The following ZNF229 variants were observed in gnomAD, a reference collection of about 807,000 sequenced individuals.
ZNF229 encodes zinc finger protein 229.
A neutral mutation model predicts 11.8 loss-of-function variants in ZNF229; 10 were observed. The ratio of observed to expected loss-of-function variants is 0.85; its 90% CI spans 0.52 to 1.44. The LOEUF (loss-of-function observed/expected upper bound fraction) is 1.44. Ranked by LOEUF, ZNF229 falls within the 40% of genes most tolerant of loss-of-function variation. ZNF229 has a pLI of 0.00. For synonymous variants in ZNF229, 368 were observed against 374.8 expected, an observed-to-expected ratio of 0.98 and a Z score of 0.21; for missense variants, 1,045 against 1,015.1, an observed-to-expected ratio of 1.03 and a Z score of -0.40.
rs773971239 is a variant in ZNF229, at chr19:44,428,534, A to G, written c.2247T>C (p.Tyr749=). Residue 749 remains tyrosine (Y), a synonymous_variant, in exon 6 of 6, where the codon TAT becomes TAC. Coordinates refer to ENST00000614049, the MANE Select transcript of ZNF229 (RefSeq NM_014518.4). ...GACCTTGAAGATGTGAGCTCTGACT[A>G]TAGCCCTTCCCACACACGTGGCATC... The part of the protein sequence containing the change: ...PYRCHVCGKG[Y]SQSSHLQGHQ... The G allele has an allele frequency of 2.4e-5, 38 of 1,611,532 alleles. No homozygotes were observed. The highest frequency in any genetic ancestry group is 2.9e-5 in the Non-Finnish European group (34 of 1,179,478).
Position 44,427,162 on chromosome 19 carries a change from T to A in ZNF229, c.*1141A>T, listed in dbSNP as rs1432730049. On this transcript the variant is annotated 3_prime_UTR_variant, in exon 6 of 6. Transcript: ENST00000614049. The stretch of plus-strand genomic sequence containing the variant: ...CAATCATCTCCCACCAAGGCCCTCC[T>A]CTGACACGTGGGGATTAAAATTGAG... 1.3e-5 allele frequency: 2 copies of A among 151,524 alleles called. No individual in the cohort carries two copies. The highest frequency in any genetic ancestry group is 3.9e-4 in the East Asian group (2 of 5,160). The allele number at this position is 151,524 out of a possible 1,614,324, so 9.4% of individuals were successfully genotyped here.
Position 44,428,677 on chromosome 19 carries a change from G to A in ZNF229, c.2104C>T (p.His702Tyr), listed in dbSNP as rs1971632642. 1 of 1,613,982 alleles carries A rather than the reference G, an allele frequency of 6.2e-7. No individual in the cohort carries two copies. Among genetic ancestry groups the A allele is most frequent in the Non-Finnish European group, 8.5e-7 (1 of 1,179,994 alleles). ...GFSYGSNLRT[H>Y]QRLHTGEKPY... ...TTCTCTCCTGTGTGCAACCTCTGGT[G>A]GGTGCGAAGATTAGAGCCATAACTG... The change falls in exon 6 of 6, where the codon CAC (histidine) becomes TAC (tyrosine). Residue 702 changes from histidine to tyrosine, a missense_variant. His to Tyr is a moderately conservative substitution (Grantham distance 83). Coordinates refer to ENST00000614049, the MANE Select transcript of ZNF229 (RefSeq NM_014518.4).
At chr19:44,432,610 T>G (rs1421843602) in intron 4 of ZNF229, among the ~76,000 whole-genome samples, 2 of 151,728 alleles carry the variant, frequency 1.3e-5, no homozygotes, top group Non-Finnish European at 2.9e-5. Context: ...AAACTCCGCA[T>G]GTTCTCACTC....
Position 44,427,549 on chromosome 19 carries a change from G to A in ZNF229, c.*754C>T, listed in dbSNP as rs751847956. 6.6e-5 allele frequency: 10 copies of A among 151,240 alleles called. No individual in the cohort carries two copies. Among genetic ancestry groups the A allele is most frequent in the Non-Finnish European group, 1.3e-4 (9 of 67,922 alleles). 9.4% of individuals were successfully genotyped at this position (151,240 alleles called of 1,614,324 possible). On this transcript the variant is annotated 3_prime_UTR_variant, in exon 6 of 6. Coordinates refer to ENST00000614049, the MANE Select transcript of ZNF229 (RefSeq NM_014518.4). ...GAAAAAAAATCAGCATTTCAAAGAC[G>A]CCACATTCTTTCAAAATTAACCTAT...
chr19:44,445,987 ACT>A (rs1475249838), intron 2 of ZNF229, among the ~76,000 whole-genome samples: 1 of 151,944 alleles, frequency 6.6e-6, no homozygotes, highest in African/African-American at 2.4e-5. Context: ...GCAGACAACG[ACT>A]CTGTGCTCAT....
At chr19:44,434,547 G>T (rs1971779057) in intron 4 of ZNF229, among the ~76,000 whole-genome samples, 1 of 152,204 alleles carries the variant, frequency 6.6e-6, no homozygotes, top group Non-Finnish European at 1.5e-5. Context: ...ATAAATGGCA[G>T]TCATGTATTC....
chr19:44,434,740 C>T (rs953709855), intron 4 of ZNF229, among the ~76,000 whole-genome samples: 1 of 152,154 alleles, frequency 6.6e-6, no homozygotes, highest in African/African-American at 2.4e-5. Context: ...TTTCACTTGA[C>T]TTTTTTATTT....
Position 44,427,938 on chromosome 19 carries a change from C to T in ZNF229, c.*365G>A, listed in dbSNP as rs1237135592. On this transcript the variant is annotated 3_prime_UTR_variant, in exon 6 of 6. Coordinates refer to ENST00000614049, the MANE Select transcript of ZNF229 (RefSeq NM_014518.4). ...ACACTGTCCCATTGGTAGCTATCAA[C>T]CCACACAAAGAATCTATGTCCATAA... 7 of 187,336 alleles carry T rather than the reference C, an allele frequency of 3.7e-5. No homozygotes were observed. The highest frequency in any genetic ancestry group is 5.6e-5 in the Non-Finnish European group (5 of 89,414). The allele number at this position is 187,336 out of a possible 1,614,324, so 11.6% of individuals were successfully genotyped here.
intron 4 of ZNF229, among the ~76,000 whole-genome samples, chr19:44,440,289 GAAGA>G (rs1440813464): frequency 6.6e-6 from 1 of 150,958 alleles, no homozygotes; most frequent in Admixed American, 6.6e-5. Context: ...CAAAAAGAAA[GAAGA>G]AAGAAAAGAA....
intron 4 of ZNF229, among the ~76,000 whole-genome samples, chr19:44,433,777 T>C (rs1490465794): frequency 6.6e-6 from 1 of 152,084 alleles, no homozygotes. Context: ...GTTTGTTTGC[T>C]TGTTTTTGAG....
rs1443576409 is a variant in ZNF229 at position 44,429,713 on chromosome 19, C to T, written c.1068G>A (p.Lys356=). 2 of 1,614,152 alleles carry T rather than the reference C, an allele frequency of 1.2e-6. No individual in the cohort carries two copies. The highest frequency in any genetic ancestry group is 1.7e-6 in the Non-Finnish European group (2 of 1,180,038). ...DMPYRCDVCG[K]GFRYKSVLLI... ...GAAGAACCGATTTATACCTGAACCC[C>T]TTTCCACAGACATCACATCTATAGG... is the stretch of plus-strand genomic sequence containing the variant. The change falls in exon 6 of 6, where the codon AAG becomes AAA. Residue 356 remains lysine, a synonymous_variant. Coordinates refer to ENST00000614049, the MANE Select transcript of ZNF229 (RefSeq NM_014518.4).
rs538916274 is a variant in ZNF229, at chr19:44,432,615, T to C, written c.94-249A>G. Among the ~76,000 whole-genome samples the C allele has an allele frequency of 2.0e-5, 3 of 151,582 alleles. No individual in the cohort carries two copies. The East Asian group carries it at 5.8e-4, about 29-fold the overall frequency. On this transcript the variant is annotated intron_variant, in intron 4 of 5. Coordinates refer to ENST00000614049, the MANE Select transcript of ZNF229 (RefSeq NM_014518.4). ...CAAAAAAACCAAACTCCGCATGTTC[T>C]CACTCATAGGTGGGAATTGAACAAT...
chr19:44,433,933 A>T (rs1312133476), intron 4 of ZNF229, among the ~76,000 whole-genome samples: 1 of 151,958 alleles, frequency 6.6e-6, no homozygotes. Context: ...TGCCCAGCTA[A>T]TTTTTTTGTA....
chr19:44,426,510 A>G lies in ZNF229; in HGVS notation c.*1793T>C, dbSNP rs565240536. The G allele has an allele frequency of 6.6e-6, 1 of 152,270 alleles. No individual in the cohort carries two copies. The highest frequency in any genetic ancestry group is 1.9e-4 in the East Asian group (1 of 5,190). 9.4% of individuals were successfully genotyped at this position (152,270 alleles called of 1,614,324 possible). On this transcript the variant is annotated 3_prime_UTR_variant, in exon 6 of 6. Transcript: ENST00000614049. ...CATACTAACAAAATGGGGTCATGCT[A>G]TAATTGTTGTTCTAAAACTCTCCTG...
Position 44,445,239 on chromosome 19 carries a change from G to A in ZNF229, c.-177-2215C>T, listed in dbSNP as rs535220220. Among the ~76,000 whole-genome samples, 67 of 152,178 alleles carry A rather than the reference G, an allele frequency of 4.4e-4. 1 individual carries two copies. In the South Asian group the frequency reaches 0.012, roughly 28 times the overall value. On this transcript the variant is annotated intron_variant, in intron 2 of 5. Transcript: ENST00000614049. ...ACCATCATGTCTCACCTGCATTAAC[G>A]TGACAGCCCCCTAAATGGCCTCTGC... is the stretch of plus-strand genomic sequence containing the variant.
intron 4 of ZNF229, among the ~76,000 whole-genome samples, chr19:44,435,578 G>A (rs1971798151): frequency 1.1e-5 from 1 of 91,990 alleles, no homozygotes. Flanking sequence ...ATTGGGGCCT[G>A]GACACATAGG....
At position 44,428,216 on chromosome 19, in the gene ZNF229, C is replaced by T; in HGVS notation, c.*87G>A. On this transcript the variant is annotated 3_prime_UTR_variant, in exon 6 of 6. Coordinates refer to ENST00000614049, the MANE Select transcript of ZNF229 (RefSeq NM_014518.4). ...ATCAGTTTCTCCTATAGCCCTCCTA[C>T]ATGTCACTTTCCTATGGTTTTTCTC... The T allele has an allele frequency of 2.8e-6, 4 of 1,426,784 alleles. No homozygotes were observed. Among genetic ancestry groups the T allele is most frequent in the African/African-American group, 2.9e-5 (2 of 69,814 alleles). The allele number at this position is 1,426,784 out of a possible 1,614,324, so 88.4% of individuals were successfully genotyped here.
At chr19:44,433,942 T>G (rs11665852) in intron 4 of ZNF229, among the ~76,000 whole-genome samples, 58,178 of 151,928 alleles carry the variant, frequency 0.38, 12,368 homozygotes, top group South Asian at 0.6. Flanking sequence ...AATTTTTTTG[T>G]ATTTTTAATA....
chr19:44,445,677 C>T (rs1387088853), intron 2 of ZNF229, among the ~76,000 whole-genome samples: 1 of 152,170 alleles, frequency 6.6e-6, no homozygotes, highest in Non-Finnish European at 1.5e-5. Flanking sequence ...CTTCATTTTT[C>T]TCCATGAAAC....
Sources: allele counts gnomAD v4.1 joint callset (sites outside exome capture counted in the v4.1 genomes callset), GRCh38; gene constraint gnomAD v4.1.1; transcripts MANE v1.5; gene names NCBI Gene and HGNC (gene_info 2026-07-23, HGNC 2026-07-21).